Variants in LPIN1 observed in about 807,000 individuals in gnomAD.
The protein encoded by LPIN1 is lipin 1, also known as phosphatidate phosphatase LPIN1.
Under a neutral mutation model 107.5 loss-of-function variants are expected in LPIN1, and 71 were observed. The ratio of observed to expected loss-of-function variants is 0.66; its 90% CI spans 0.55 to 0.80. The LOEUF (loss-of-function observed/expected upper bound fraction) is 0.80. Among genes scored for constraint, LPIN1 ranks in the 30% least tolerant of loss-of-function variants. The probability of loss-of-function intolerance (pLI) is 0.00; values close to 1 mark genes in which losing one functional copy is unlikely to be tolerated. For missense variants in LPIN1, 1,043 were observed against 1,160.6 expected (o/e 0.90, Z 1.47); for synonymous variants, 445 against 452.6 (o/e 0.98, Z 0.21).
chr2:11,780,624 G>A (rs1335330120), intron 7 of LPIN1, among the ~76,000 whole-genome samples: 2 of 152,228 alleles, frequency 1.3e-5, no homozygotes, highest in Non-Finnish European at 2.9e-5. Context: ...GTAGCGGAGA[G>A]AATGAGGGCC....
intron 1 of LPIN1, among the ~76,000 whole-genome samples, chr2:11,700,769 G>A (rs1443358253): frequency 6.6e-6 from 1 of 152,172 alleles, no homozygotes; most frequent in African/African-American, 2.4e-5. Context: ...GCTGAAGGAA[G>A]GTATAAGTAT....
At position 11,803,166 on chromosome 2, in the gene LPIN1, T is replaced by G; in HGVS notation, c.2013+133T>G. ...CCCAGGGGGCCTGCAATCCCTCAAC[T>G]GGGTACCCGCTGTTTCCACCCCAAC... On this transcript the variant is annotated intron_variant, in intron 15 of 20. Transcript: ENST00000674199. The surrounding 1 kb of genome is among the most constrained non-coding windows in gnomAD (Gnocchi z 4.2). 8.1e-7 allele frequency: 1 copy of G among 1,236,090 alleles called. No homozygotes were observed. The highest frequency in any genetic ancestry group is 1.2e-6 in the Non-Finnish European group (1 of 854,582). 76.6% of individuals were successfully genotyped at this position (1,236,090 alleles called of 1,614,324 possible).
chr2:11,739,461 G>T (rs1666117694), intron 1 of LPIN1, among the ~76,000 whole-genome samples: 3 of 152,228 alleles, frequency 2.0e-5, no homozygotes, highest in Non-Finnish European at 1.5e-5. Context: ...ATTTCCATCA[G>T]CCAGACTGGG....
chr2:11,678,751 G>A (rs2148496606), intron 1 of LPIN1, among the ~76,000 whole-genome samples: 1 of 152,334 alleles, frequency 6.6e-6, no homozygotes, highest in South Asian at 2.1e-4. Flanking sequence ...AAGGAGGCGT[G>A]GATCCTGCTC....
At chr2:11,787,795 G>T (rs370975538) in intron 11 of LPIN1, among the ~76,000 whole-genome samples, 10 of 152,204 alleles carry the variant, frequency 6.6e-5, no homozygotes, top group African/African-American at 2.2e-4. Flanking sequence ...CAAAAAATTA[G>T]CTGGGCGCGG....
chr2:11,754,096 C>T (rs919337100), intron 1 of LPIN1, among the ~76,000 whole-genome samples: 4 of 152,194 alleles, frequency 2.6e-5, no homozygotes, highest in African/African-American at 9.7e-5. Context: ...ACAGTGCCTT[C>T]CCTAGAGGAA....
At chr2:11,811,993 GAA>G (rs921283379) in intron 17 of LPIN1, among the ~76,000 whole-genome samples, 10 of 150,772 alleles carry the variant, frequency 6.6e-5, no homozygotes, top group African/African-American at 1.9e-4. Flanking sequence ...CAAAAAAAAA[GAA>G]AAAAAAAGAA....
intron 1 of LPIN1, among the ~76,000 whole-genome samples, chr2:11,681,790 C>T (rs1002761698): frequency 2.0e-5 from 3 of 152,176 alleles, no homozygotes; most frequent in Admixed American, 6.5e-5. Flanking sequence ...ACTTGGGGCC[C>T]CATCTACTCA....
At chr2:11,790,833 C>A (rs948752238) in intron 12 of LPIN1, among the ~76,000 whole-genome samples, 1 of 152,174 alleles carries the variant, frequency 6.6e-6, no homozygotes, top group East Asian at 1.9e-4. Flanking sequence ...TATTTTAATA[C>A]CCAGTAGTGC....
chr2:11,743,346 C>T (rs550485269), upstream of LPIN1, among the ~76,000 whole-genome samples: 16 of 152,300 alleles, frequency 1.1e-4, no homozygotes, highest in African/African-American at 1.7e-4. This position sits in a 1 kb window ranked among gnomAD's most constrained non-coding sequence, Gnocchi z 4.7. Context: ...GTTTGCTCTC[C>T]GAGGATCACT....
At chr2:11,715,117 G>T (rs530966942) in intron 2 of LPIN1, among the ~76,000 whole-genome samples, 8 of 152,330 alleles carry the variant, frequency 5.3e-5, no homozygotes, top group African/African-American at 1.7e-4. Context: ...GTGAGAAGGT[G>T]CAGGAAATTG....
In LPIN1 at chr2:11,771,245, C is replaced by A; in HGVS notation, c.289-127C>A. ...ACCATGGCTGTGGCCTCTAGCTGGG[C>A]CATCTGCTGTGGCCCTCCCCAGGAG... is the stretch of plus-strand genomic sequence containing the variant. On this transcript the variant is annotated intron_variant, in intron 3 of 20. Coordinates refer to ENST00000674199, the MANE Select transcript of LPIN1 (RefSeq NM_001349206.2). The surrounding 1 kb of genome is among the most constrained non-coding windows in gnomAD (Gnocchi z 4.8). 1 of 854,794 alleles carries A rather than the reference C, an allele frequency of 1.2e-6. No individual in the cohort carries two copies. The allele number at this position is 854,794 out of a possible 1,614,324, so 53.0% of individuals were successfully genotyped here. A position where few individuals can be genotyped will look rare whatever the true frequency, so the allele number is the denominator to read the frequency against.
At chr2:11,819,692 G>C in intron 19 of LPIN1, 94 bp downstream of exon 19, 2 of 927,154 alleles carry the variant, frequency 2.2e-6, no homozygotes, top group Admixed American at 3.4e-5. Context: ...CATATGTAGA[G>C]TCAGATTCTC....
intron 3 of LPIN1, among the ~76,000 whole-genome samples, chr2:11,768,302 A>G (rs1330617255): frequency 6.6e-6 from 1 of 152,238 alleles, no homozygotes; most frequent in Admixed American, 6.5e-5. Context: ...TGGTTTTAGT[A>G]TATTTACAGA....
chr2:11,816,516 C>T (rs907546144), intron 18 of LPIN1: 14 of 152,192 alleles, frequency 9.2e-5, no homozygotes, highest in African/African-American at 2.7e-4. Flanking sequence ...ATTTAAATAT[C>T]ATTGTCCAAG....
chr2:11,822,623 G>A (rs983118457), intron 20 of LPIN1, among the ~76,000 whole-genome samples: 2 of 152,146 alleles, frequency 1.3e-5, no homozygotes, highest in Non-Finnish European at 2.9e-5. Context: ...GGGACAGCAT[G>A]GGAAAGACCT....
At chr2:11,769,308 A>G (rs1297751345) in intron 3 of LPIN1, among the ~76,000 whole-genome samples, 2 of 152,202 alleles carry the variant, frequency 1.3e-5, no homozygotes, top group African/African-American at 2.4e-5. Flanking sequence ...GCATTTTCCT[A>G]ATAACCAGCG....
At chr2:11,735,400 A>G (rs1295175523) in intron 1 of LPIN1, among the ~76,000 whole-genome samples, 1 of 152,064 alleles carries the variant, frequency 6.6e-6, no homozygotes, top group Non-Finnish European at 1.5e-5. Context: ...TAAGTATTAT[A>G]TTAATGTTAT....
upstream of LPIN1, among the ~76,000 whole-genome samples, chr2:11,720,036 T>G (rs561234342): frequency 6.6e-6 from 1 of 152,158 alleles, no homozygotes; most frequent in Non-Finnish European, 1.5e-5. Context: ...TCCGACTTGC[T>G]TGTCCTCCTT....
Sources: allele counts gnomAD v4.1 joint callset (sites outside exome capture counted in the v4.1 genomes callset), GRCh38; gene constraint gnomAD v4.1.1; non-coding constraint Gnocchi (gnomAD v3.1); transcripts MANE v1.5; gene names NCBI Gene and HGNC (gene_info 2026-07-23, HGNC 2026-07-21).